Variants in ULK4 observed in about 807,000 individuals in gnomAD.
ULK4 encodes inactive serine/threonine-protein kinase ULK4.
ULK4 carries 133 observed loss-of-function variants against 160.6 expected under a neutral mutation model. The observed-to-expected ratio is 0.83, with a 90% CI of 0.72 to 0.96. The LOEUF is 0.96. ULK4 is among the 40% of genes least tolerant of loss of function. The pLI is 0.00. For synonymous variants in ULK4, 534 were observed against 539.8 expected (o/e 0.99, Z 0.15); for missense variants, 1,580 against 1,499.5 (o/e 1.05, Z -0.89).
chr3:41,367,414 G>T (rs556060941), intron 35 of ULK4, among the ~76,000 whole-genome samples: 5 of 152,314 alleles, frequency 3.3e-5, no homozygotes, highest in African/African-American at 1.2e-4. Context: ...TTTGGTAGAG[G>T]GCGATGGCTC....
intron 17 of ULK4, among the ~76,000 whole-genome samples, chr3:41,869,974 CAGA>C (rs2125692100): frequency 6.6e-6 from 1 of 152,230 alleles, no homozygotes; most frequent in Admixed American, 6.5e-5. Context: ...TCACAAAATA[CAGA>C]ATTCTGGGAT....
intron 12 of ULK4, among the ~76,000 whole-genome samples, chr3:41,906,439 C>T (rs1002640270): frequency 1.3e-5 from 2 of 151,888 alleles, no homozygotes; most frequent in Non-Finnish European, 2.9e-5. Flanking sequence ...TAAGGCAGGA[C>T]GACCACTGGA....
intron 31 of ULK4, among the ~76,000 whole-genome samples, chr3:41,584,731 A>G (rs2030664406): frequency 6.6e-6 from 1 of 152,218 alleles, no homozygotes; most frequent in Non-Finnish European, 1.5e-5. Flanking sequence ...ACGCAGAAAA[A>G]TTAGTAAAGA....
At chr3:41,599,778 TG>T (rs2031944972) in intron 31 of ULK4, among the ~76,000 whole-genome samples, 1 of 152,028 alleles carries the variant, frequency 6.6e-6, no homozygotes, top group Admixed American at 6.6e-5. Flanking sequence ...CTGGCCAGGC[TG>T]GTCTCGAACT....
chr3:41,729,820 G>T (rs2037766016), intron 22 of ULK4, among the ~76,000 whole-genome samples: 3 of 152,162 alleles, frequency 2.0e-5, no homozygotes, highest in Admixed American at 2.0e-4. Flanking sequence ...GTACTCACAG[G>T]CATTGTTAAT....
chr3:41,874,657 T>C (rs2125695770), intron 17 of ULK4, among the ~76,000 whole-genome samples: 1 of 152,268 alleles, frequency 6.6e-6, no homozygotes, highest in East Asian at 1.9e-4. Flanking sequence ...AGCTAAGCTA[T>C]GAGTATGCAA....
intron 30 of ULK4, among the ~76,000 whole-genome samples, chr3:41,637,422 A>G (rs1486580200): frequency 6.6e-6 from 1 of 152,056 alleles, no homozygotes; most frequent in Admixed American, 6.6e-5. Flanking sequence ...TATCTACCAC[A>G]TTTTCTTTAT....
intron 32 of ULK4, among the ~76,000 whole-genome samples, chr3:41,532,237 C>T (rs115773386): frequency 0.021 from 3,186 of 152,246 alleles, 114 homozygotes; most frequent in African/African-American, 0.071. Flanking sequence ...GCCAGGTGTG[C>T]GCCCACTCTG....
At chr3:41,852,852 A>C (rs1466565992) in intron 17 of ULK4, among the ~76,000 whole-genome samples, 1 of 152,210 alleles carries the variant, frequency 6.6e-6, no homozygotes, top group African/African-American at 2.4e-5. Flanking sequence ...TATATGAATA[A>C]GAAATGAACC....
chr3:41,345,875 G>A (rs2080788044), intron 35 of ULK4, among the ~76,000 whole-genome samples: 1 of 152,156 alleles, frequency 6.6e-6, no homozygotes, highest in African/African-American at 2.4e-5. Flanking sequence ...TGCCCCCAGT[G>A]GGTAAAGGCT....
intron 31 of ULK4, among the ~76,000 whole-genome samples, chr3:41,574,047 T>C (rs1223397070): frequency 6.7e-6 from 1 of 150,256 alleles, no homozygotes; most frequent in Non-Finnish European, 1.5e-5. Context: ...CCAGGAGCGG[T>C]GGCGCATGCC....
Position 41,704,747 on chromosome 3 carries a change from T to G in ULK4, c.2781+310A>C, listed in dbSNP as rs187635872. ...AGAATTGTCCATCCCAAAATGCCTT[T>G]AGTGCCAAGGTTGAGAAACCTTGCA... is the stretch of plus-strand genomic sequence containing the variant. On this transcript the variant is annotated intron_variant, in intron 27 of 36. Transcript: ENST00000301831. Among the ~76,000 whole-genome samples the G allele has an allele frequency of 1.4e-4, 22 of 152,272 alleles. No individual in the cohort carries two copies. The Middle Eastern group carries it at 0.01, about 71-fold the overall frequency.
At chr3:41,568,894 A>G (rs1463694416) in intron 31 of ULK4, among the ~76,000 whole-genome samples, 1 of 152,142 alleles carries the variant, frequency 6.6e-6, no homozygotes, top group Non-Finnish European at 1.5e-5. Context: ...ACAAGTCTGG[A>G]CCTCTGGAAC....
chr3:41,865,241 A>G, intron 17 of ULK4, among the ~76,000 whole-genome samples: 1 of 126,252 alleles, frequency 7.9e-6, no homozygotes, highest in African/African-American at 3.0e-5. Context: ...ACTGCACTCC[A>G]GCCTGGGCAA....
At chr3:41,343,551 G>C (rs893922282) in intron 35 of ULK4, among the ~76,000 whole-genome samples, 4 of 152,062 alleles carry the variant, frequency 2.6e-5, no homozygotes, top group Non-Finnish European at 5.9e-5. Flanking sequence ...CAATCCGCCT[G>C]CCTTGGCCTC....
rs377172787 is a variant in ULK4 at position 41,883,991 on chromosome 3, C to T, written c.1578-39G>A. On this transcript the variant is annotated intron_variant, in intron 16 of 36. Coordinates refer to ENST00000301831, the MANE Select transcript of ULK4 (RefSeq NM_017886.4). ...GAAAACAGGCTCTGAAAAGAAGAGTCGGGGACCGAGGAAACTAATCCCAGC... is the reference window on the plus strand; with the variant it reads ...GAAAACAGGCTCTGAAAAGAAGAGTTGGGGACCGAGGAAACTAATCCCAGC... 6.1e-5 allele frequency: 89 copies of T among 1,468,826 alleles called. No individual in the cohort carries two copies. The East Asian group carries it at 1.3e-3, about 21-fold the overall frequency. The allele number at this position is 1,468,826 out of a possible 1,614,324, so 91.0% of individuals were successfully genotyped here.
chr3:41,400,686 C>T (rs769903748), intron 34 of ULK4, among the ~76,000 whole-genome samples: 11 of 152,138 alleles, frequency 7.2e-5, no homozygotes, highest in Non-Finnish European at 1.5e-4. Flanking sequence ...GGGATAAATG[C>T]CCAAGAGTAC....
chr3:41,910,539 T>C (rs1698744580), intron 11 of ULK4, among the ~76,000 whole-genome samples: 1 of 151,734 alleles, frequency 6.6e-6, no homozygotes, highest in African/African-American at 2.4e-5. Flanking sequence ...GAGGCTGCAG[T>C]GAGCCAAGAT....
At chr3:41,898,818 G>T (rs1447588436) in intron 13 of ULK4, among the ~76,000 whole-genome samples, 2 of 152,152 alleles carry the variant, frequency 1.3e-5, no homozygotes, top group African/African-American at 4.8e-5. Context: ...ACCTGCCAAG[G>T]TAAGGCTCTA....
Sources: gnomAD v4.1 joint callset for allele counts (sites outside exome capture counted in the v4.1 genomes callset) on GRCh38, gnomAD v4.1.1 for gene constraint, MANE v1.5 for transcripts, NCBI Gene and HGNC (gene_info 2026-07-23, HGNC 2026-07-21) for gene names.